TRPC5OS: variants seen among roughly 807,000 people sequenced by gnomAD.
TRPC5OS encodes the protein TRPC5 opposite strand.
For missense variants in TRPC5OS, 64 were observed against 79.3 expected (o/e 0.81, Z 0.73); for synonymous variants, 30 against 29.3 (o/e 1.02, Z -0.08).
chrX:111,878,478 G>A (rs1006412153), intron 1 of TRPC5OS, among the ~76,000 whole-genome samples: 1 of 111,741 alleles, frequency 8.9e-6, no homozygotes, highest in Non-Finnish European at 1.9e-5. Context: ...ATATTTGCTG[G>A]TTGTTAGGAT....
chrX:111,887,831 A>G (rs187620467), intron 1 of TRPC5OS, among the ~76,000 whole-genome samples: 20 of 112,383 alleles, frequency 1.8e-4, no homozygotes, highest in Non-Finnish European at 3.0e-4. Flanking sequence ...TAGACAAAAC[A>G]GAGATCCCTG....
intron 1 of TRPC5OS, among the ~76,000 whole-genome samples, chrX:111,877,641 G>C (rs1243466761): frequency 9.0e-6 from 1 of 111,266 alleles, no homozygotes; most frequent in Non-Finnish European, 1.9e-5. Flanking sequence ...AAAACCATAG[G>C]AGTTGGTATA....
chrX:111,896,905 ATTAAATG>A (rs753625524), intron 3 of TRPC5OS, among the ~76,000 whole-genome samples: 165 of 112,061 alleles, frequency 1.5e-3, no homozygotes, highest in Non-Finnish European at 2.7e-3. Flanking sequence ...TATTGTGAGG[ATTAAATG>A]TACTACAGGT....
intron 1 of TRPC5OS, among the ~76,000 whole-genome samples, chrX:111,885,051 C>A (rs1483779860): frequency 1.8e-5 from 2 of 112,945 alleles, no homozygotes; most frequent in Non-Finnish European, 3.7e-5. Context: ...AAGGCAAATG[C>A]AGGCCTTAAG....
At position 111,888,369 on chromosome X, in the gene TRPC5OS, C is replaced by T. The variant is rs775921849; in HGVS notation, c.-545-7582C>T. Among the ~76,000 whole-genome samples, 9 of 109,494 alleles carry T rather than the reference C, an allele frequency of 8.2e-5. No individual in the cohort carries two copies. The South Asian group carries it at 3.2e-3, about 39-fold the overall frequency. On this transcript the variant is annotated intron_variant, in intron 1 of 3. Transcript: ENST00000635763. ...ACTTCCATTTTAAAGGGATCACTGTCGGTCCTGTTGAAAAAGAGACTGTAG... is the reference window on the plus strand; with the variant it reads ...ACTTCCATTTTAAAGGGATCACTGTTGGTCCTGTTGAAAAAGAGACTGTAG...
At chrX:111,877,664 A>T (rs1924017349) in intron 1 of TRPC5OS, among the ~76,000 whole-genome samples, 1 of 111,292 alleles carries the variant, frequency 9.0e-6, no homozygotes, top group Non-Finnish European at 1.9e-5. Context: ...AATTAAGGAA[A>T]AATGCATAGC....
At chrX:111,886,623 C>T (rs1924510714) in intron 1 of TRPC5OS, among the ~76,000 whole-genome samples, 1 of 111,825 alleles carries the variant, frequency 8.9e-6, no homozygotes. Context: ...GAAGACAAAC[C>T]TGGTCTATTC....
intron 1 of TRPC5OS, among the ~76,000 whole-genome samples, chrX:111,883,641 A>G (rs1163764707): frequency 8.9e-6 from 1 of 112,569 alleles, no homozygotes; most frequent in African/African-American, 3.2e-5. Flanking sequence ...GTTAAAAGCT[A>G]GCTAGCTTGC....
chrX:111,879,416 C>T (rs1343663568), intron 1 of TRPC5OS, among the ~76,000 whole-genome samples: 2 of 112,012 alleles, frequency 1.8e-5, no homozygotes, highest in African/African-American at 6.5e-5. Flanking sequence ...GTGGGTTAAG[C>T]TGAACTAGGA....
intron 3 of TRPC5OS, among the ~76,000 whole-genome samples, chrX:111,899,397 A>G (rs1925230213): frequency 8.9e-6 from 1 of 111,849 alleles, no homozygotes; most frequent in Admixed American, 9.5e-5. Flanking sequence ...AATTTATTCC[A>G]ATTTTTTTCC....
chrX:111,880,841 C>G (rs1603072136), intron 1 of TRPC5OS, among the ~76,000 whole-genome samples: 1 of 112,302 alleles, frequency 8.9e-6, no homozygotes, highest in East Asian at 2.8e-4. Flanking sequence ...ATTTATCATC[C>G]TGTTGTTGGG....
intron 1 of TRPC5OS, among the ~76,000 whole-genome samples, chrX:111,892,065 T>C: frequency 8.9e-6 from 1 of 112,131 alleles, no homozygotes; most frequent in Non-Finnish European, 1.9e-5. Flanking sequence ...CATCTTTCCA[T>C]GTGGTAAAAT....
At chrX:111,885,431 C>T (rs979288533) in intron 1 of TRPC5OS, among the ~76,000 whole-genome samples, 2 of 111,136 alleles carry the variant, frequency 1.8e-5, no homozygotes, top group Non-Finnish European at 3.8e-5. Flanking sequence ...CTAGAGTGCC[C>T]AACTCATCCT....
chrX:111,881,872 T>C (rs185629364), intron 1 of TRPC5OS: 2 of 111,413 alleles, frequency 1.8e-5, no homozygotes, highest in East Asian at 5.7e-4. Context: ...GATAGAAATA[T>C]ACTTCTGGGT....
At chrX:111,892,951 G>A (rs138064387) in intron 1 of TRPC5OS, among the ~76,000 whole-genome samples, 166 of 111,470 alleles carry the variant, frequency 1.5e-3, no homozygotes, top group African/African-American at 5.3e-3. Context: ...TTTTAAATTC[G>A]TTGTGCTAAC....
At chrX:111,881,135 GATTTTCTTTTGTTT>G (rs1225593281) in intron 1 of TRPC5OS, among the ~76,000 whole-genome samples, 1 of 99,422 alleles carries the variant, frequency 1.0e-5, no homozygotes, top group African/African-American at 4.8e-5. Context: ...GTTGTTTTGT[GATTTTCTTTTGTTT>G]ATTTTATTTT....
chrX:111,882,979 A>G (rs1924298166), intron 1 of TRPC5OS, among the ~76,000 whole-genome samples: 1 of 109,635 alleles, frequency 9.1e-6, no homozygotes, highest in Non-Finnish European at 1.9e-5. Flanking sequence ...CCAGCTACTC[A>G]GGAGGCTGAG....
At position 111,882,719 on chromosome X, in the gene TRPC5OS, A is replaced by G. The variant is rs188418313; in HGVS notation, c.-546+6446A>G. 3.0e-3 allele frequency among the ~76,000 whole-genome samples: 339 copies of G among 112,689 alleles called. 1 individual carries two copies. The highest frequency in any genetic ancestry group is 0.014 in the Middle Eastern group (3 of 217). ...TCTCACCAGGGGCTAAGCCCACCTA[A>G]GGCCTACTCAGATATCAGTTAGGTG... On this transcript the variant is annotated intron_variant, in intron 1 of 3. Coordinates refer to ENST00000635763, the MANE Select transcript of TRPC5OS (RefSeq NM_001195578.2).
intron 3 of TRPC5OS, among the ~76,000 whole-genome samples, chrX:111,897,748 G>A (rs1925137204): frequency 9.0e-6 from 1 of 111,182 alleles, no homozygotes. Flanking sequence ...ATCACATTGT[G>A]TGAATATACC....
Sources: gnomAD v4.1 joint callset for allele counts (sites outside exome capture counted in the v4.1 genomes callset) on GRCh38, gnomAD v4.1.1 for gene constraint, MANE v1.5 for transcripts, NCBI Gene and HGNC (gene_info 2026-07-23, HGNC 2026-07-21) for gene names.